TSGA13: variants seen among roughly 807,000 people sequenced by gnomAD.
TSGA13 encodes the protein testis-specific gene 13 protein.
TSGA13 carries 37 observed loss-of-function variants against 35.1 expected under a neutral mutation model. The ratio of observed to expected loss-of-function variants is 1.05; its 90% CI spans 0.81 to 1.39. The LOEUF (loss-of-function observed/expected upper bound fraction) is 1.39. Among genes scored for constraint, TSGA13 ranks in the 40% most tolerant of loss-of-function variants. The pLI is 0.00. For missense variants in TSGA13, 338 were observed against 328.5 expected (o/e 1.03, Z -0.22); for synonymous variants, 124 against 121.2 (o/e 1.02, Z -0.15).
At chr7:130,671,378 A>T (rs1429953173) in intron 7 of TSGA13, among the ~76,000 whole-genome samples, 1 of 152,256 alleles carries the variant, frequency 6.6e-6, no homozygotes. Context: ...TAAGTAAATT[A>T]ACAGCAAATA....
chr7:130,677,560 G>A (rs1409218554), intron 5 of TSGA13, among the ~76,000 whole-genome samples: 3 of 152,044 alleles, frequency 2.0e-5, no homozygotes, highest in African/African-American at 7.3e-5. Context: ...GAGTAGCTGG[G>A]ACTACAGGCA....
At chr7:130,671,336 C>T (rs1796263924) in intron 7 of TSGA13, among the ~76,000 whole-genome samples, 1 of 152,060 alleles carries the variant, frequency 6.6e-6, no homozygotes, top group African/African-American at 2.4e-5. Flanking sequence ...TTAATTAGGA[C>T]AAGATTTTTT....
Position 130,679,238 on chromosome 7 carries a change from T to C in TSGA13, c.304A>G (p.Asn102Asp), listed in dbSNP as rs782609955. Residue 102 changes from asparagine to aspartate, a missense_variant, in exon 5 of 8, where the codon AAC (asparagine) becomes GAC (aspartate). Transcript: ENST00000356588. ...QDKTLLIMTN[N>D]PPPCSITQQD... Reference sequence around the variant, plus strand: ...TGGGTGATTGAGCAGGGAGGTGGGTTGTTGGTCATAATCAGTAACGTCTTA... The same window carrying C: ...TGGGTGATTGAGCAGGGAGGTGGGTCGTTGGTCATAATCAGTAACGTCTTA... 13 of 1,614,080 alleles carry C rather than the reference T, an allele frequency of 8.1e-6. No homozygotes were observed. The South Asian group carries it at 1.3e-4, about 16-fold the overall frequency.
At chr7:130,675,385 G>A (rs1394019036) in intron 5 of TSGA13, among the ~76,000 whole-genome samples, 1 of 150,598 alleles carries the variant, frequency 6.6e-6, no homozygotes, top group Non-Finnish European at 1.5e-5. Context: ...TTTTTTTGGG[G>A]GGGGTGGGGT....
In TSGA13 at chr7:130,680,927, G is replaced by A. The variant is rs1554464977; in HGVS notation, c.174+19C>T. On this transcript the variant is annotated intron_variant, in intron 4 of 7. Transcript: ENST00000356588. ...AAACTTCCCCTTAGAGATCTTGGGG[G>A]AATGCTTTCTCTACCTACCAAATTT... 1 of 1,612,366 alleles carries A rather than the reference G, an allele frequency of 6.2e-7. No individual in the cohort carries two copies. The highest frequency in any genetic ancestry group is 1.3e-5 in the African/African-American group (1 of 74,856).
chr7:130,672,956 T>G, intron 5 of TSGA13, 80 bp from the exon 6 acceptor site: 1 of 1,436,648 alleles, frequency 7.0e-7, no homozygotes, highest in South Asian at 1.5e-5. Flanking sequence ...GTTCCTGGAC[T>G]AAGTTCCAAT....
chr7:130,675,040 G>C (rs1429144546), intron 5 of TSGA13, among the ~76,000 whole-genome samples: 2 of 152,050 alleles, frequency 1.3e-5, no homozygotes, highest in Non-Finnish European at 2.9e-5. Context: ...AACCCTAGGA[G>C]AGCTGGACCT....
chr7:130,669,205 C>G, intron 7 of TSGA13, 22 bp from the exon 8 acceptor site: 1 of 1,613,982 alleles, frequency 6.2e-7, no homozygotes, highest in Non-Finnish European at 8.5e-7. Context: ...CACAGGCACC[C>G]TGGTGAATGT....
At chr7:130,679,725 T>C (rs1264949535) in intron 4 of TSGA13, among the ~76,000 whole-genome samples, 8 of 152,166 alleles carry the variant, frequency 5.3e-5, no homozygotes, top group African/African-American at 1.9e-4. Context: ...AGTTTTGCCA[T>C]GTTGCCCAGG....
At position 130,679,335 on chromosome 7, in the gene TSGA13, G is replaced by A. The variant is rs782129964; in HGVS notation, c.207C>T (p.Ala69=). 3.1e-6 allele frequency: 5 copies of A among 1,613,610 alleles called. No individual in the cohort carries two copies. Among genetic ancestry groups the A allele is most frequent in the South Asian group, 1.1e-5 (1 of 90,986 alleles). Residue 69 remains alanine, a synonymous_variant, in exon 5 of 8, where the codon GCC becomes GCT. Transcript: ENST00000356588. The part of the protein sequence containing the change: ...AQYYKPLKAT[A]LQKFLAQNRK... ...TGTTTTGAGCCAGGAATTTCTGCAG[G>A]GCAGTGGCCTTCAAAGGCTTATAGT...
At chr7:130,682,214 G>A (rs1554465210) in intron 3 of TSGA13, among the ~76,000 whole-genome samples, 2 of 152,002 alleles carry the variant, frequency 1.3e-5, no homozygotes, top group East Asian at 1.9e-4. Context: ...CTGCCTCCCG[G>A]GTTCAAGCAA....
chr7:130,679,379 G>A lies in TSGA13; in HGVS notation c.175-12C>T. ...TTATAGTACTGGGCCTGAACAGACA[G>A]AAAGGTTTCCAGAGAGAAAAAGAGA... On this transcript the variant is annotated splice_polypyrimidine_tract_variant and intron_variant, in intron 4 of 7. Transcript: ENST00000356588. 1 of 1,596,796 alleles carries A rather than the reference G, an allele frequency of 6.3e-7. No individual in the cohort carries two copies.
Position 130,672,772 on chromosome 7 carries a change from C to T in TSGA13, c.492G>A (p.Leu164=). 1 of 1,614,062 alleles carries T rather than the reference C, an allele frequency of 6.2e-7. No homozygotes were observed. The part of the protein sequence containing the change: ...SKLKPIFPLI[L]SDDPTSKREQ... The stretch of plus-strand genomic sequence containing the variant: ...CTCGCTTGGATGTGGGATCATCCGA[C>T]AGTATCAAAGGGAAGATTGGTTTCA... Residue 164 remains leucine, a synonymous_variant, in exon 6 of 8, where the codon CTG becomes CTA. Coordinates refer to ENST00000356588, the MANE Select transcript of TSGA13 (RefSeq NM_052933.4).
intron 1 of TSGA13, among the ~76,000 whole-genome samples, chr7:130,685,986 G>A (rs138013340): frequency 1.8e-4 from 28 of 152,246 alleles, no homozygotes; most frequent in African/African-American, 5.8e-4. Flanking sequence ...ATTATTTGTC[G>A]TTGTTAAGTA....
intron 3 of TSGA13, 51 bp from the exon 4 acceptor site, chr7:130,681,068 A>G (rs1366578571): frequency 2.0e-6 from 3 of 1,507,416 alleles, no homozygotes; most frequent in Admixed American, 1.7e-5. Context: ...TATCCTAAAC[A>G]GTATTCCATT....
intron 5 of TSGA13, among the ~76,000 whole-genome samples, chr7:130,674,165 T>C (rs1446226930): frequency 2.4e-5 from 3 of 127,570 alleles, no homozygotes; most frequent in Non-Finnish European, 5.3e-5. Flanking sequence ...TTTTTTCTTT[T>C]TTTCTTTTTT....
At chr7:130,669,313 C>G in intron 7 of TSGA13, 130 bp from the exon 8 acceptor site, 1 of 1,002,758 alleles carries the variant, frequency 1.0e-6, no homozygotes, top group Non-Finnish European at 1.4e-6. Context: ...GATTTTGGAC[C>G]GTGTAATACC....
chr7:130,677,449 G>T (rs1554464300), intron 5 of TSGA13, among the ~76,000 whole-genome samples: 1 of 150,094 alleles, frequency 6.7e-6, no homozygotes, highest in African/African-American at 2.5e-5. Context: ...TTTTGAGATA[G>T]AGTCTCGCCC....
chr7:130,671,605 A>G, intron 7 of TSGA13, 56 bp downstream of exon 7: 1 of 1,484,092 alleles, frequency 6.7e-7, no homozygotes, highest in Non-Finnish European at 9.1e-7. Context: ...CATGGATTGT[A>G]TCTCCAGCCC....
Sources: allele counts gnomAD v4.1 joint callset (sites outside exome capture counted in the v4.1 genomes callset), GRCh38; gene constraint gnomAD v4.1.1; transcripts MANE v1.5; gene names NCBI Gene and HGNC (gene_info 2026-07-23, HGNC 2026-07-21).